The following SNX20 variants were observed in gnomAD, a reference collection of about 807,000 sequenced individuals.
SNX20 encodes sorting nexin 20.
A neutral mutation model predicts 24.5 loss-of-function variants in SNX20; 21 were observed. That is an observed-to-expected ratio of 0.86 (90% confidence interval 0.61 to 1.23). The LOEUF (loss-of-function observed/expected upper bound fraction) is 1.23, where lower values mean the gene tolerates loss of function less well. SNX20 is among the 50% of genes most tolerant of loss of function. The probability of loss-of-function intolerance (pLI) is 0.00; values close to 1 mark genes in which losing one functional copy is unlikely to be tolerated. For synonymous variants in SNX20, 206 were observed against 192.8 expected (o/e 1.07, Z -0.57); for missense variants, 433 against 430.8 (o/e 1.00, Z -0.04).
At chr16:50,679,962 GCCCAGAGA>G (rs1190860178) in intron 1 of SNX20, among the ~76,000 whole-genome samples, 2 of 152,214 alleles carry the variant, frequency 1.3e-5, no homozygotes, top group Non-Finnish European at 2.9e-5. Flanking sequence ...GGCACTATTG[GCCCAGAGA>G]CCCTGTAAGA....
chr16:50,676,747 C>T (rs1963191181), intron 2 of SNX20, among the ~76,000 whole-genome samples: 1 of 152,226 alleles, frequency 6.6e-6, no homozygotes, highest in South Asian at 2.1e-4. Flanking sequence ...ATCTGTTTCT[C>T]TACCAAACCT....
chr16:50,677,072 G>A (rs1963197707), intron 2 of SNX20, among the ~76,000 whole-genome samples: 1 of 152,176 alleles, frequency 6.6e-6, no homozygotes, highest in Non-Finnish European at 1.5e-5. Context: ...CCCTAGGATA[G>A]GACAACCCAG....
At chr16:50,678,399 A>G (rs1053615796) in intron 1 of SNX20, among the ~76,000 whole-genome samples, 1 of 152,206 alleles carries the variant, frequency 6.6e-6, no homozygotes, top group Admixed American at 6.5e-5. Context: ...CACATAACAG[A>G]TGAGAAAACT....
chr16:50,677,407 G>T lies in SNX20; in HGVS notation c.120C>A (p.Asp40Glu). The T allele has an allele frequency of 6.3e-7, 1 of 1,593,578 alleles. No individual in the cohort carries two copies. The highest frequency in any genetic ancestry group is 8.6e-7 in the Non-Finnish European group (1 of 1,169,212). Residue 40 changes from aspartate (D) to glutamate (E), a missense_variant, in exon 2 of 4, where the codon GAC becomes GAA. Asp to Glu is a conservative substitution (Grantham distance 45, BLOSUM62 2). Transcript: ENST00000330943. ...AAGCCTCAAGCCCACCTAAGTGCCC[G>T]TCAGGTCCTGGGTGCGGGAGGTCGG... is the stretch of plus-strand genomic sequence containing the variant. ...TGPDLPHPGP[D>E]GHLDTHSGLS... is the part of the protein sequence containing the mutation.
At chr16:50,680,767 C>T (rs1051511914) in intron 1 of SNX20, among the ~76,000 whole-genome samples, 2 of 152,048 alleles carry the variant, frequency 1.3e-5, no homozygotes, top group Non-Finnish European at 2.9e-5. Context: ...GTAAGAATCC[C>T]CTGGTGGGGT....
rs563171505 is a variant in SNX20, at chr16:50,679,066, G to A, written c.-9-1531C>T. On this transcript the variant is annotated intron_variant, in intron 1 of 3. Transcript: ENST00000330943. ...ATTAGATCGGCTGGAGGGAGTAGCT[G>A]GTATACTGACTGGTTAGGCATGGAA... Among the ~76,000 whole-genome samples the A allele has an allele frequency of 8.7e-5, 6 of 68,890 alleles. No individual in the cohort carries two copies. In the South Asian group the frequency reaches 1.5e-3, roughly 17 times the overall value. 45.2% of individuals were successfully genotyped at this position (68,890 alleles called of 152,430 possible).
In SNX20 at chr16:50,673,675, G is replaced by A; in HGVS notation, c.682C>T (p.Pro228Ser). ...CACAGCAGCACGGCGCACAGGGCCGGGACGGCGGCCGCAGGGCAGTGGGCG... is the reference window on the plus strand; with the variant it reads ...CACAGCAGCACGGCGCACAGGGCCGAGACGGCGGCCGCAGGGCAGTGGGCG... ...LTAHCPAAAVPALCAVLLCHR... is the reference protein window; with the variant it reads ...LTAHCPAAAVSALCAVLLCHR... The change falls in exon 4 of 4, where the codon CCG becomes TCG. Residue 228 changes from proline to serine, a missense_variant. Transcript: ENST00000330943. The surrounding 1 kb of genome is among the most constrained non-coding windows in gnomAD (Gnocchi z 4.1). The A allele has an allele frequency of 1.3e-6, 2 of 1,496,522 alleles. No individual in the cohort carries two copies. Among genetic ancestry groups the A allele is most frequent in the Non-Finnish European group, 1.8e-6 (2 of 1,131,896 alleles). The allele number at this position is 1,496,522 out of a possible 1,614,324, so 92.7% of individuals were successfully genotyped here.
chr16:50,678,392 A>G (rs7191692), intron 1 of SNX20, among the ~76,000 whole-genome samples: 7,836 of 152,292 alleles, frequency 0.051, 489 homozygotes, highest in African/African-American at 0.14. Flanking sequence ...TTACCACCAC[A>G]TAACAGATGA....
intron 1 of SNX20, among the ~76,000 whole-genome samples, chr16:50,677,761 G>A (rs889908081): frequency 2.0e-5 from 3 of 152,208 alleles, no homozygotes; most frequent in African/African-American, 7.2e-5. Flanking sequence ...CACCTATTGC[G>A]ATGATCCATA....
At chr16:50,674,154 C>G in intron 3 of SNX20, 80 bp from the exon 4 acceptor site, 2 of 1,492,956 alleles carry the variant, frequency 1.3e-6, no homozygotes, top group Admixed American at 5.0e-5. Flanking sequence ...GTAAAGTTAA[C>G]CAGGCCGGTG....
chr16:50,667,913 G>A (rs1444949548), downstream of SNX20: 4 of 1,186,086 alleles, frequency 3.4e-6, no homozygotes, highest in African/African-American at 1.5e-5. Flanking sequence ...TCTTACCATG[G>A]GGGCAACAGC....
At chr16:50,668,579 G>C (rs1405676714), downstream of SNX20, 4 of 1,014,924 alleles carry the variant, frequency 3.9e-6, no homozygotes, top group East Asian at 3.8e-4. Flanking sequence ...AAAACAGCTG[G>C]TGATTGATAG....
chr16:50,673,802 C>T lies in SNX20; in HGVS notation c.555G>A (p.Thr185=). The T allele has an allele frequency of 6.3e-7, 1 of 1,586,936 alleles. No homozygotes were observed. Among genetic ancestry groups the T allele is most frequent in the Non-Finnish European group, 8.5e-7 (1 of 1,172,294 alleles). The change falls in exon 4 of 4, where the codon ACG becomes ACA. Residue 185 remains threonine (T), a synonymous_variant. Transcript: ENST00000330943. This position sits in a 1 kb window ranked among gnomAD's most constrained non-coding sequence, Gnocchi z 4.1. ...RRSREFLDFL[T]RPELREAFGC... is the part of the protein sequence containing the mutation. ...CGAAAGCCTCGCGCAGCTCCGGCCG[C>T]GTGAGGAAGTCCAGGAACTCCCGGG...
downstream of SNX20, chr16:50,667,975 G>A (rs180986778): frequency 2.1e-5 from 32 of 1,544,916 alleles, no homozygotes; most frequent in African/African-American, 1.4e-4. Context: ...TTCAGGCTTC[G>A]ACCAGCCCAG....
Position 50,681,252 on chromosome 16 carries a change from G to A in SNX20, c.-72C>T, listed in dbSNP as rs1265887898. The A allele has an allele frequency of 6.6e-6, 1 of 152,376 alleles. No homozygotes were observed. Among genetic ancestry groups the A allele is most frequent in the Non-Finnish European group, 1.5e-5 (1 of 68,112 alleles). The allele number at this position is 152,376 out of a possible 1,614,324, so 9.4% of individuals were successfully genotyped here. On this transcript the variant is annotated 5_prime_UTR_variant, in exon 1 of 4. Transcript: ENST00000330943. ...GAGGAGTGTCATATGGCCCCTTCGA[G>A]CTCTTGGTTCTCAGCTCCGGCGACA...
At position 50,671,889 on chromosome 16, in the gene SNX20, T is replaced by C. The variant is rs1028432673; in HGVS notation, c.*1517A>G. ...ATTCTGGTGCAGTCTAGTGCATAGC[T>C]GTCCACTTCTAGAGTGATCACTTGC... On this transcript the variant is annotated 3_prime_UTR_variant, in exon 4 of 4. Coordinates refer to ENST00000330943, the MANE Select transcript of SNX20 (RefSeq NM_182854.4). 2 of 152,260 alleles carry C rather than the reference T, an allele frequency of 1.3e-5. No individual in the cohort carries two copies. The highest frequency in any genetic ancestry group is 2.9e-5 in the Non-Finnish European group (2 of 68,050). 9.4% of individuals were successfully genotyped at this position (152,260 alleles called of 1,614,324 possible). A position where few individuals can be genotyped will look rare whatever the true frequency, so the allele number is the denominator to read the frequency against.
At position 50,674,186 on chromosome 16, in the gene SNX20, G is replaced by A. The variant is rs1456463721; in HGVS notation, c.283-112C>T. On this transcript the variant is annotated intron_variant, in intron 3 of 3. Coordinates refer to ENST00000330943, the MANE Select transcript of SNX20 (RefSeq NM_182854.4). ...GGTGTAAAGCATGCCCTGAAAACGG[G>A]CGATCCTTATATGCAATTGTTTGTT... 19 of 1,347,724 alleles carry A rather than the reference G, an allele frequency of 1.4e-5. No individual in the cohort carries two copies. In the East Asian group the frequency reaches 5.3e-4, roughly 38 times the overall value. The allele number at this position is 1,347,724 out of a possible 1,614,324, so 83.5% of individuals were successfully genotyped here. A position where few individuals can be genotyped will look rare whatever the true frequency, so the allele number is the denominator to read the frequency against.
In SNX20 at chr16:50,673,444, T is replaced by C; in HGVS notation, c.913A>G (p.Thr305Ala). The C allele has an allele frequency of 3.1e-6, 5 of 1,591,446 alleles. No homozygotes were observed. Among genetic ancestry groups the C allele is most frequent in the South Asian group, 1.1e-5 (1 of 88,380 alleles). The change falls in exon 4 of 4, where the codon ACC becomes GCC. Residue 305 changes from threonine (T) to alanine (A), a missense_variant. Physicochemically the swap from Thr to Ala is moderately conservative, Grantham distance 58. Transcript: ENST00000330943. The surrounding 1 kb of genome is among the most constrained non-coding windows in gnomAD (Gnocchi z 4.1). ...TCTCGCACAGTGAGCTCCTTCAGGG[T>C]GATGCCTCGGGGCGTGGGCCTCCGG... ...QLRRPTPRGI[T>A]LKELTVREYL...
At chr16:50,675,728 G>A in intron 3 of SNX20, 42 bp downstream of exon 3, 2 of 1,606,436 alleles carry the variant, frequency 1.2e-6, no homozygotes, top group East Asian at 2.2e-5. Context: ...CAGGAAGGAA[G>A]CAGAGTGAAA....
Sources: allele counts gnomAD v4.1 joint callset (sites outside exome capture counted in the v4.1 genomes callset), GRCh38; gene constraint gnomAD v4.1.1; non-coding constraint Gnocchi (gnomAD v3.1); transcripts MANE v1.5; gene names NCBI Gene and HGNC (gene_info 2026-07-23, HGNC 2026-07-21).